The following TMPRSS6 variants were observed in gnomAD, a reference collection of about 807,000 sequenced individuals.
TMPRSS6 encodes transmembrane serine protease 6, also known as transmembrane protease serine 6.
Under a neutral mutation model 101.5 loss-of-function variants are expected in TMPRSS6, and 67 were observed. The ratio of observed to expected loss-of-function variants is 0.66; its 90% confidence interval spans 0.54 to 0.81. The LOEUF (loss-of-function observed/expected upper bound fraction) is 0.81. TMPRSS6 is among the 30% of genes least tolerant of loss of function. The pLI, the probability that TMPRSS6 is intolerant of heterozygous loss-of-function variation, is 0.00. For synonymous variants in TMPRSS6, 453 were observed against 464.9 expected (o/e 0.97, Z 0.33); for missense variants, 1,034 against 1,088.7 (o/e 0.95, Z 0.71).
intron 7 of TMPRSS6, among the ~76,000 whole-genome samples, chr22:37,086,894 C>T (rs1928834230): frequency 6.6e-6 from 1 of 152,100 alleles, no homozygotes; most frequent in Admixed American, 6.5e-5. Flanking sequence ...CAGGGTGCCC[C>T]AGAAATCTGC....
In TMPRSS6 at chr22:37,089,555, T is replaced by C. The variant is rs2235326; in HGVS notation, c.836+23A>G. ...CACTCCCTTTTCCAGCCCTCCCTCC[T>C]GCCCTCCTTCCCAGGGACTCACGAG... is the stretch of plus-strand genomic sequence containing the variant. On this transcript the variant is annotated intron_variant, in intron 7 of 17. Coordinates refer to ENST00000676104, the MANE Select transcript of TMPRSS6 (RefSeq NM_001374504.1). 659,918 of 1,153,884 alleles carry C rather than the reference T, an allele frequency of 0.57. 199,172 individuals carry two copies. The highest frequency in any genetic ancestry group is 0.84 in the African/African-American group (53,289 of 63,560). The allele number at this position is 1,153,884 out of a possible 1,614,324, so 71.5% of individuals were successfully genotyped here. A position where few individuals can be genotyped will look rare whatever the true frequency, so the allele number is the denominator to read the frequency against.
intron 2 of TMPRSS6, among the ~76,000 whole-genome samples, chr22:37,100,603 T>C (rs565320279): frequency 3.4e-4 from 52 of 152,028 alleles, no homozygotes; most frequent in African/African-American, 1.3e-3. Context: ...ATGTTGGAGG[T>C]ACAGGTCTGG....
chr22:37,106,666 C>T (rs1930732597), intron 1 of TMPRSS6, among the ~76,000 whole-genome samples: 1 of 152,184 alleles, frequency 6.6e-6, no homozygotes, highest in Admixed American at 6.5e-5. Context: ...CCAGCTCAAT[C>T]GCTCACCTGC....
chr22:37,080,237 C>T (rs1013308223), intron 10 of TMPRSS6: 3 of 152,636 alleles, frequency 2.0e-5, no homozygotes, highest in East Asian at 3.8e-4. Flanking sequence ...AAGTGGGCAC[C>T]GGGAGAAGCT....
intron 10 of TMPRSS6, 115 bp from the exon 11 acceptor site, chr22:37,075,395 C>T (rs1257662573): frequency 8.0e-6 from 11 of 1,372,144 alleles, no homozygotes; most frequent in African/African-American, 1.4e-5. Context: ...GCCCGCTGTG[C>T]CTCCTCTGCC....
upstream of TMPRSS6, among the ~76,000 whole-genome samples, chr22:37,109,851 G>T (rs1930960033): frequency 6.6e-6 from 1 of 152,210 alleles, no homozygotes. Flanking sequence ...CCGTTGCCTG[G>T]TGACATGCCT....
chr22:37,077,300 C>T (rs564659782), intron 10 of TMPRSS6, among the ~76,000 whole-genome samples: 22 of 152,178 alleles, frequency 1.4e-4, no homozygotes, highest in Non-Finnish European at 2.5e-4. Context: ...GGGAGGGCTC[C>T]GAATTCCCAC....
At chr22:37,087,447 C>T (rs1037994260) in intron 7 of TMPRSS6, among the ~76,000 whole-genome samples, 5 of 152,320 alleles carry the variant, frequency 3.3e-5, no homozygotes, top group Admixed American at 3.3e-4. Flanking sequence ...ACCCAAGCAG[C>T]CTGCAGCCAG....
rs575448616 is a variant in TMPRSS6, at chr22:37,066,057, C to T, written c.*23G>A. ...GCTCTCTGAGTCCAGGAGGTGGGCC[C>T]TGCTTTGCAGGGGGGCAGTTCCTCA... On this transcript the variant is annotated 3_prime_UTR_variant, in exon 18 of 18. Transcript: ENST00000676104. 1.1e-5 allele frequency: 17 copies of T among 1,613,398 alleles called. No homozygotes were observed. In the South Asian group the frequency reaches 1.9e-4, roughly 18 times the overall value.
At chr22:37,099,488 C>T (rs1930111089) in intron 2 of TMPRSS6, among the ~76,000 whole-genome samples, 1 of 149,922 alleles carries the variant, frequency 6.7e-6, no homozygotes, top group Non-Finnish European at 1.5e-5. Flanking sequence ...GGTAGACTCA[C>T]AGCCCTGGTT....
In TMPRSS6 at chr22:37,101,248, T is replaced by G. The variant is rs1930289731; in HGVS notation, c.202+1968A>C. On this transcript the variant is annotated intron_variant, in intron 2 of 17. Transcript: ENST00000676104. This position sits in a 1 kb window ranked among gnomAD's most constrained non-coding sequence, Gnocchi z 4.1. ...GGGAGGGCAGGTGGGCCAACATATA[T>G]GGGGCTTCTCTTCTAAGCTGTTTTG... Among the ~76,000 whole-genome samples, 1 of 151,960 alleles carries G rather than the reference T, an allele frequency of 6.6e-6. No individual in the cohort carries two copies. The highest frequency in any genetic ancestry group is 1.5e-5 in the Non-Finnish European group (1 of 67,984).
At position 37,095,571 on chromosome 22, in the gene TMPRSS6, G is replaced by C. The variant is rs1287496826; in HGVS notation, c.611C>G (p.Ala204Gly). The C allele has an allele frequency of 1.9e-6, 3 of 1,610,862 alleles. No individual in the cohort carries two copies. Among genetic ancestry groups the C allele is most frequent in the East Asian group, 4.5e-5 (2 of 44,816 alleles). Reference protein sequence around the residue: ...VILEASVKDIAALNSTLGCYR... With the variant: ...VILEASVKDIGALNSTLGCYR... Reference sequence around the variant, plus strand: ...CGTACCCAGCGTGGAATTCAATGCAGCTATGTCTTTCACACTGGCTTCTGA... The same window carrying C: ...CGTACCCAGCGTGGAATTCAATGCACCTATGTCTTTCACACTGGCTTCTGA... Residue 204 changes from alanine (A) to glycine (G), a missense_variant, in exon 6 of 18, where the codon GCT becomes GGT. Physicochemically the swap from Ala to Gly is moderately conservative, Grantham distance 60. Transcript: ENST00000676104.
intron 6 of TMPRSS6, among the ~76,000 whole-genome samples, chr22:37,094,574 T>TAGATAGATAGAC (rs1929588726): frequency 6.6e-6 from 1 of 151,910 alleles, no homozygotes. Context: ...GATAGACAAA[T>TAGATAGATAGAC]AGATCAGTTT....
chr22:37,074,530 C>T, intron 12 of TMPRSS6, 80 bp downstream of exon 12: 1 of 1,331,290 alleles, frequency 7.5e-7, no homozygotes, highest in Non-Finnish European at 1.1e-6. Flanking sequence ...AGTGGGGTCT[C>T]CACTCAGCTC....
At chr22:37,072,525 G>A (rs893903163) in intron 13 of TMPRSS6, among the ~76,000 whole-genome samples, 3 of 135,574 alleles carry the variant, frequency 2.2e-5, no homozygotes, top group Non-Finnish European at 4.7e-5. Flanking sequence ...GATGGATGAT[G>A]GATGAATGGA....
Position 37,071,023 on chromosome 22 carries a change from C to T in TMPRSS6, c.1565G>A (p.Cys522Tyr). The change falls in exon 14 of 18, where the codon TGT becomes TAT. Residue 522 changes from cysteine (C) to tyrosine (Y), a missense_variant. Cys to Tyr is a radical substitution (Grantham distance 194). Transcript: ENST00000676104. Reference sequence around the variant, plus strand: ...CTCACACTGGAAGGTGAATGTCCCACATGGCACCCCTGGGACAGAGGGGAT... The same window carrying T: ...CTCACACTGGAAGGTGAATGTCCCATATGGCACCCCTGGGACAGAGGGGAT... ...DEEQCQEGVPCGTFTFQCEDR... is the reference protein window; with the variant it reads ...DEEQCQEGVPYGTFTFQCEDR... The T allele has an allele frequency of 1.2e-6, 2 of 1,612,426 alleles. No homozygotes were observed. The highest frequency in any genetic ancestry group is 1.7e-6 in the Non-Finnish European group (2 of 1,179,694).
intron 1 of TMPRSS6, among the ~76,000 whole-genome samples, chr22:37,105,860 A>G (rs977393930): frequency 6.6e-6 from 1 of 151,926 alleles, no homozygotes; most frequent in Non-Finnish European, 1.5e-5. Flanking sequence ...TTTTGTAGAG[A>G]CCAGGTCTCA....
intron 14 of TMPRSS6, 59 bp from the exon 15 acceptor site, chr22:37,070,711 CAG>C: frequency 5.8e-6 from 9 of 1,562,544 alleles, no homozygotes; most frequent in Non-Finnish European, 7.9e-6. Context: ...GAGAAGCAGA[CAG>C]AGAGGAAGGG....
At chr22:37,072,993 T>A (rs1346097644) in intron 13 of TMPRSS6, among the ~76,000 whole-genome samples, 4 of 145,088 alleles carry the variant, frequency 2.8e-5, no homozygotes, top group African/African-American at 1.0e-4. Context: ...GATGGATAGA[T>A]GGATGATGGA....
Sources: gnomAD v4.1 joint callset for allele counts (sites outside exome capture counted in the v4.1 genomes callset) on GRCh38, gnomAD v4.1.1 for gene constraint, Gnocchi (gnomAD v3.1) non-coding constraint, MANE v1.5 for transcripts, NCBI Gene and HGNC (gene_info 2026-07-23, HGNC 2026-07-21) for gene names.